The following ENOX1 variants were observed in gnomAD, a reference collection of about 807,000 sequenced individuals.
ENOX1 encodes candidate growth-related and time keeping constitutive hydroquinone (NADH) oxidase.
A neutral mutation model predicts 82.5 loss-of-function variants in ENOX1; 42 were observed. That is an observed-to-expected ratio of 0.51 (90% CI 0.40 to 0.66). The LOEUF is 0.66. ENOX1 is among the 30% of genes least tolerant of loss of function. The pLI is 0.00. For synonymous variants in ENOX1, 271 were observed against 282.2 expected (o/e 0.96, Z 0.40); for missense variants, 608 against 811.6 (o/e 0.75, Z 3.05).
chr13:43,687,771 T>C (rs1193679832), intron 1 of ENOX1, among the ~76,000 whole-genome samples: 1 of 152,042 alleles, frequency 6.6e-6, no homozygotes. Context: ...AGATAAATCA[T>C]AAGGCCAATC....
chr13:43,598,738 T>C (rs911486044), intron 2 of ENOX1, among the ~76,000 whole-genome samples: 7 of 152,188 alleles, frequency 4.6e-5, no homozygotes, highest in Admixed American at 2.0e-4. Context: ...TGTAGAAAAA[T>C]GTGTGTTAAA....
At chr13:43,277,568 A>T (rs2045125924) in intron 12 of ENOX1, among the ~76,000 whole-genome samples, 1 of 152,130 alleles carries the variant, frequency 6.6e-6, no homozygotes, top group African/African-American at 2.4e-5. Context: ...CTGCACCCTG[A>T]CCTGGCAAGG....
intron 1 of ENOX1, among the ~76,000 whole-genome samples, chr13:43,731,151 C>T (rs2153822070): frequency 6.6e-6 from 1 of 152,292 alleles, no homozygotes; most frequent in South Asian, 2.1e-4. Context: ...TGAGTTCCTC[C>T]TCAGTCCCAA....
chr13:43,395,337 G>A (rs2053072786), intron 5 of ENOX1, among the ~76,000 whole-genome samples: 1 of 152,216 alleles, frequency 6.6e-6, no homozygotes, highest in South Asian at 2.1e-4. Context: ...GCAACATGGT[G>A]GAACCCCATC....
chr13:43,577,182 A>G (rs2080471710), intron 2 of ENOX1, among the ~76,000 whole-genome samples: 1 of 151,354 alleles, frequency 6.6e-6, no homozygotes, highest in Non-Finnish European at 1.5e-5. Context: ...CCCAGGCTGG[A>G]GTGCAATGGT....
chr13:43,260,669 G>GAT (rs1402935874), intron 14 of ENOX1, among the ~76,000 whole-genome samples: 1 of 152,026 alleles, frequency 6.6e-6, no homozygotes, highest in African/African-American at 2.4e-5. Flanking sequence ...ATAAGAACAT[G>GAT]ATATATATAC....
chr13:43,684,095 CAAAAAAA>C (rs55919280), intron 1 of ENOX1, among the ~76,000 whole-genome samples: 1 of 106,472 alleles, frequency 9.4e-6, no homozygotes, highest in African/African-American at 3.9e-5. Context: ...GACTCTGTCT[CAAAAAAA>C]AAAAAAAAAA....
chr13:43,252,777 C>A (rs1180964814), intron 14 of ENOX1, among the ~76,000 whole-genome samples: 13 of 152,202 alleles, frequency 8.5e-5, no homozygotes, highest in Admixed American at 7.2e-4. Flanking sequence ...GATGTCAGGT[C>A]CCCCTGGGCA....
intron 3 of ENOX1, among the ~76,000 whole-genome samples, chr13:43,428,932 G>C (rs2055493673): frequency 6.6e-6 from 1 of 152,140 alleles, no homozygotes; most frequent in African/African-American, 2.4e-5. Context: ...TTATCATGTG[G>C]GACACTGAAA....
chr13:43,293,791 T>C (rs2046142315), intron 12 of ENOX1, among the ~76,000 whole-genome samples: 1 of 152,232 alleles, frequency 6.6e-6, no homozygotes, highest in Non-Finnish European at 1.5e-5. Flanking sequence ...AAAGTCTGAC[T>C]CTTACCCAAC....
rs2082559747 is a variant in ENOX1, at chr13:43,618,040, A to AT, written c.-219+49438dup. 6.6e-5 allele frequency among the ~76,000 whole-genome samples: 10 copies of AT among 152,204 alleles called. No individual in the cohort carries two copies. In the East Asian group the frequency reaches 1.4e-3, roughly 21 times the overall value. On this transcript the variant is annotated intron_variant, in intron 2 of 16. Transcript: ENST00000690772. ...GCCATTTGTATATCTTCTTTTGAGA[A>AT]TTGTCTATTCATGTCCTTAGCCCAC...
intron 1 of ENOX1, among the ~76,000 whole-genome samples, chr13:43,713,914 C>T (rs1327843800): frequency 1.1e-4 from 16 of 151,088 alleles, no homozygotes; most frequent in African/African-American, 2.7e-4. Flanking sequence ...TCTATTTCCT[C>T]CAGTTCTGCT....
In ENOX1 at chr13:43,322,466, G is replaced by C. The variant is rs2047868330; in HGVS notation, c.1179C>G (p.Gly393=). 6.2e-7 allele frequency: 1 copy of C among 1,614,006 alleles called. No homozygotes were observed. The highest frequency in any genetic ancestry group is 1.3e-5 in the African/African-American group (1 of 75,042). The change falls in exon 11 of 17, where the codon GGC becomes GGG. Residue 393 remains glycine (G), a synonymous_variant. Transcript: ENST00000690772. Reference sequence around the variant, plus strand: ...TTTCCATTTCTTCTTCGCGGCGGATGCCCATGAGCTGCTCACTTTGAGCAT... The same window carrying C: ...TTTCCATTTCTTCTTCGCGGCGGATCCCCATGAGCTGCTCACTTTGAGCAT... ...LRNAQSEQLM[G]IRREEEMEMS...
At chr13:43,326,316 C>T (rs879170730) in intron 10 of ENOX1, 103 bp downstream of exon 10, 10 of 889,168 alleles carry the variant, frequency 1.1e-5, no homozygotes, top group Admixed American at 2.2e-5. Context: ...CAATGGCAGG[C>T]GGACTGCCCA....
chr13:43,604,983 A>G (rs183337263), intron 2 of ENOX1, among the ~76,000 whole-genome samples: 1 of 152,308 alleles, frequency 6.6e-6, no homozygotes, highest in Non-Finnish European at 1.5e-5. Flanking sequence ...CAATCTGAAA[A>G]AGAAATCTAG....
chr13:43,629,098 G>A (rs2083095077), intron 2 of ENOX1, among the ~76,000 whole-genome samples: 1 of 152,162 alleles, frequency 6.6e-6, no homozygotes, highest in African/African-American at 2.4e-5. Context: ...CCAACCAGCA[G>A]GGATGAAAGT....
intron 2 of ENOX1, among the ~76,000 whole-genome samples, chr13:43,589,427 C>T (rs766852375): frequency 3.3e-5 from 5 of 151,960 alleles, no homozygotes; most frequent in Non-Finnish European, 5.9e-5. Flanking sequence ...AATTGTCTCC[C>T]CTCAGAATCT....
intron 2 of ENOX1, among the ~76,000 whole-genome samples, chr13:43,583,823 CT>C (rs74782852): frequency 0.54 from 78,381 of 144,074 alleles, 20,872 homozygotes; most frequent in Non-Finnish European, 0.61. Flanking sequence ...ATAAACTTTT[CT>C]TTTTTTTTTT....
intron 11 of ENOX1, among the ~76,000 whole-genome samples, chr13:43,317,874 G>A (rs910163093): frequency 1.3e-4 from 19 of 151,990 alleles, no homozygotes; most frequent in African/African-American, 1.9e-4. Context: ...GCGTGGTGGC[G>A]GGTGCCTGTA....
Sources: allele counts gnomAD v4.1 joint callset (sites outside exome capture counted in the v4.1 genomes callset), GRCh38; gene constraint gnomAD v4.1.1; transcripts MANE v1.5; gene names NCBI Gene and HGNC (gene_info 2026-07-23, HGNC 2026-07-21).